MTMR2: variants seen among roughly 807,000 people sequenced by gnomAD.
MTMR2 encodes the protein myotubularin related protein 2.
Under a neutral mutation model 86.9 loss-of-function variants are expected in MTMR2, and 55 were observed. The ratio of observed to expected loss-of-function variants is 0.63; its 90% CI spans 0.51 to 0.79. MTMR2 has a LOEUF of 0.79. Ranked by LOEUF, MTMR2 falls within the 30% of genes least tolerant of loss-of-function variation. MTMR2 has a pLI of 0.00. For missense variants in MTMR2, 659 were observed against 772.3 expected (o/e 0.85, Z 1.74); for synonymous variants, 241 against 266.8 (o/e 0.90, Z 0.94).
intron 13 of MTMR2, 129 bp from the exon 14 acceptor site, chr11:95,836,453 G>A: frequency 1.2e-6 from 1 of 822,092 alleles, no homozygotes; most frequent in Non-Finnish European, 2.0e-6. Context: ...AGACTTCAGT[G>A]ATAAACCAAC....
At chr11:95,909,220 T>C (rs1866406285) in intron 1 of MTMR2, among the ~76,000 whole-genome samples, 1 of 151,662 alleles carries the variant, frequency 6.6e-6, no homozygotes, top group Admixed American at 6.6e-5. Flanking sequence ...ACATTATTGG[T>C]GGGGGGGGAA....
At chr11:95,868,639 G>C (rs1302747893) in intron 2 of MTMR2, among the ~76,000 whole-genome samples, 1 of 151,958 alleles carries the variant, frequency 6.6e-6, no homozygotes, top group Non-Finnish European at 1.5e-5. Flanking sequence ...AATTGATGTT[G>C]ATCAGAAGAG....
chr11:95,849,472 A>G (rs1863931397), intron 9 of MTMR2, among the ~76,000 whole-genome samples: 1 of 152,194 alleles, frequency 6.6e-6, no homozygotes, highest in Non-Finnish European at 1.5e-5. Flanking sequence ...AACTATTATT[A>G]TTCTCATTTT....
At chr11:95,867,640 T>TTG (rs1301092630) in intron 2 of MTMR2, among the ~76,000 whole-genome samples, 7 of 151,724 alleles carry the variant, frequency 4.6e-5, no homozygotes, top group African/African-American at 1.7e-4. Flanking sequence ...ATGCTAAAGG[T>TTG]TGTATATAAA....
At chr11:95,922,544 T>C (rs114990232) in intron 1 of MTMR2, among the ~76,000 whole-genome samples, 246 of 152,102 alleles carry the variant, frequency 1.6e-3, no homozygotes, top group African/African-American at 5.7e-3. Flanking sequence ...TCCTGGATAA[T>C]TCAGGCTACA....
intron 7 of MTMR2, among the ~76,000 whole-genome samples, chr11:95,853,077 T>C (rs1045107897): frequency 1.3e-5 from 2 of 149,302 alleles, no homozygotes; most frequent in African/African-American, 4.9e-5. Context: ...CACTGTACTT[T>C]TTATTATAGC....
intron 2 of MTMR2, among the ~76,000 whole-genome samples, chr11:95,876,874 TCACA>T (rs897113532): frequency 4.5e-4 from 69 of 152,048 alleles, no homozygotes; most frequent in African/African-American, 1.6e-3. Flanking sequence ...ATGCACTCTC[TCACA>T]CACACACAAT....
At chr11:95,877,405 C>CACA (rs138457173) in intron 2 of MTMR2, among the ~76,000 whole-genome samples, 10,816 of 132,296 alleles carry the variant, frequency 0.082, 672 homozygotes, top group African/African-American at 0.18. Context: ...CAGCTGAAAC[C>CACA]ACAACTAGCC....
intron 12 of MTMR2, chr11:95,839,920 T>C (rs1009323469): frequency 1.3e-5 from 2 of 152,206 alleles, no homozygotes; most frequent in Non-Finnish European, 2.9e-5. Context: ...TTTAAACTGA[T>C]TTTCTTTTAT....
intron 1 of MTMR2, among the ~76,000 whole-genome samples, chr11:95,889,514 T>G (rs976546854): frequency 2.6e-5 from 3 of 113,998 alleles, no homozygotes; most frequent in Non-Finnish European, 3.7e-5. Flanking sequence ...TATGTCTTTT[T>G]TGGGGGGGGA....
intron 1 of MTMR2, among the ~76,000 whole-genome samples, chr11:95,896,495 G>A (rs1017489147): frequency 6.6e-6 from 1 of 151,698 alleles, no homozygotes; most frequent in African/African-American, 2.4e-5. Flanking sequence ...TAATGACTAC[G>A]CTTCCTAAGA....
rs545364704 is a variant in MTMR2, at chr11:95,872,826, G to A, written c.187-7150C>T. 3.3e-5 allele frequency among the ~76,000 whole-genome samples: 5 copies of A among 152,268 alleles called. No individual in the cohort carries two copies. In the East Asian group the frequency reaches 5.8e-4, roughly 18 times the overall value. ...GTATTGAGAGTTTTTAGCATGAAGC[G>A]TTGTTGAATTTTGTCAAAGGCCTTT... is the stretch of plus-strand genomic sequence containing the variant. On this transcript the variant is annotated intron_variant, in intron 2 of 14. Transcript: ENST00000346299.
chr11:95,878,265 T>C (rs1046403721), intron 2 of MTMR2, among the ~76,000 whole-genome samples: 3 of 149,234 alleles, frequency 2.0e-5, no homozygotes, highest in African/African-American at 7.5e-5. Context: ...AGAAAAAGAT[T>C]AGTGATTGCC....
chr11:95,884,637 C>A (rs1865453104), intron 2 of MTMR2, among the ~76,000 whole-genome samples: 1 of 152,144 alleles, frequency 6.6e-6, no homozygotes, highest in African/African-American at 2.4e-5. Context: ...GAATATCTAT[C>A]ATAATAGCAG....
At chr11:95,898,722 G>C (rs1324706832) in intron 1 of MTMR2, among the ~76,000 whole-genome samples, 2 of 152,100 alleles carry the variant, frequency 1.3e-5, no homozygotes, top group Non-Finnish European at 1.5e-5. Context: ...ATTGGGGAGA[G>C]AGACCACCTA....
chr11:95,843,810 T>C (rs912563839), intron 11 of MTMR2, among the ~76,000 whole-genome samples: 2 of 152,148 alleles, frequency 1.3e-5, no homozygotes, highest in Non-Finnish European at 2.9e-5. Context: ...TTAAGAAATA[T>C]TTTTAAATTT....
intron 1 of MTMR2, among the ~76,000 whole-genome samples, chr11:95,901,802 C>T (rs535208357): frequency 2.0e-5 from 3 of 152,044 alleles, no homozygotes; most frequent in Non-Finnish European, 4.4e-5. Context: ...AGGGAATGCT[C>T]CTTGGAGCAG....
chr11:95,906,336 CAAG>C (rs1866275188), intron 1 of MTMR2, among the ~76,000 whole-genome samples: 1 of 152,132 alleles, frequency 6.6e-6, no homozygotes, highest in Admixed American at 6.5e-5. Context: ...TTCAATTCAA[CAAG>C]AAGACTCAAC....
chr11:95,875,669 T>C (rs1331209558), intron 2 of MTMR2, among the ~76,000 whole-genome samples: 1 of 152,162 alleles, frequency 6.6e-6, no homozygotes, highest in Non-Finnish European at 1.5e-5. Context: ...GGAGGAGAGG[T>C]GCTCTTCTGA....
Sources: gnomAD v4.1 joint callset for allele counts (sites outside exome capture counted in the v4.1 genomes callset) on GRCh38, gnomAD v4.1.1 for gene constraint, MANE v1.5 for transcripts, NCBI Gene and HGNC (gene_info 2026-07-23, HGNC 2026-07-21) for gene names.